The following NR3C2 variants were observed in gnomAD, a reference collection of about 807,000 sequenced individuals.
The protein encoded by NR3C2 is nuclear receptor subfamily 3 group C member 2.
In NR3C2, 15 loss-of-function variants were observed where a neutral mutation model predicts 86.4. The observed-to-expected ratio is 0.17, with a 90% confidence interval of 0.12 to 0.27. NR3C2 has a LOEUF of 0.27. NR3C2 is among the 10% of genes least tolerant of loss of function. The pLI is 1.00. For missense variants in NR3C2, 960 were observed against 1,195.6 expected (o/e 0.80, Z 2.91); for synonymous variants, 458 against 450.5 (o/e 1.02, Z -0.21).
intron 2 of NR3C2, among the ~76,000 whole-genome samples, chr4:148,425,563 T>C (rs956350933): frequency 6.6e-6 from 1 of 152,176 alleles, no homozygotes; most frequent in Non-Finnish European, 1.5e-5. Context: ...GGGGCTTGGT[T>C]TGTGGAAACC....
chr4:148,348,080 A>G (rs560978652), intron 2 of NR3C2, among the ~76,000 whole-genome samples: 3 of 152,260 alleles, frequency 2.0e-5, no homozygotes, highest in Admixed American at 1.3e-4. Flanking sequence ...GTTTCTGAAG[A>G]GAAGAGGAAT....
chr4:148,205,383 T>A (rs61082843), intron 3 of NR3C2, among the ~76,000 whole-genome samples: 2 of 152,266 alleles, frequency 1.3e-5, no homozygotes, highest in East Asian at 3.9e-4. Context: ...GTGAAAAGGC[T>A]CTCTCTCTCC....
chr4:148,137,468 G>A (rs144731628), intron 6 of NR3C2, among the ~76,000 whole-genome samples: 3 of 152,240 alleles, frequency 2.0e-5, no homozygotes, highest in East Asian at 1.9e-4. Context: ...TAAATGGCAC[G>A]TGGTAGGCTC....
intron 2 of NR3C2, among the ~76,000 whole-genome samples, chr4:148,387,383 C>T (rs1408726134): frequency 6.6e-6 from 1 of 152,172 alleles, no homozygotes; most frequent in Non-Finnish European, 1.5e-5. Flanking sequence ...TTCCTCTAAA[C>T]TAGAGAAAGG....
In NR3C2 at chr4:148,104,260, A is replaced by G. The variant is rs185453505; in HGVS notation, c.2799+9844T>C. Among the ~76,000 whole-genome samples, 8 of 151,594 alleles carry G rather than the reference A, an allele frequency of 5.3e-5. No homozygotes were observed. The East Asian group carries it at 1.6e-3, about 30-fold the overall frequency. ...GTAAGATCTCCCATGTCAGTTATTC[A>G]TTTAATTTGAAATCTTTACACCTAT... On this transcript the variant is annotated intron_variant, in intron 8 of 8. Coordinates refer to ENST00000358102, the MANE Select transcript of NR3C2 (RefSeq NM_000901.5).
chr4:148,248,492 G>A (rs181185871), intron 3 of NR3C2, among the ~76,000 whole-genome samples: 1 of 152,310 alleles, frequency 6.6e-6, no homozygotes, highest in African/African-American at 2.4e-5. Flanking sequence ...GGGAAAAAAG[G>A]AAGTAAAAAG....
intron 6 of NR3C2, among the ~76,000 whole-genome samples, chr4:148,122,627 C>T (rs1732559614): frequency 6.6e-6 from 1 of 152,170 alleles, no homozygotes; most frequent in South Asian, 2.1e-4. Context: ...GCTTTTTAGC[C>T]CCCTGTTGCT....
intron 2 of NR3C2, among the ~76,000 whole-genome samples, chr4:148,310,550 T>C (rs997723658): frequency 2.0e-5 from 3 of 152,206 alleles, no homozygotes; most frequent in East Asian, 1.9e-4. Context: ...GCCAGCATAA[T>C]TGCTCACCTG....
chr4:148,233,215 C>G (rs1293420572), intron 3 of NR3C2, among the ~76,000 whole-genome samples: 1 of 152,158 alleles, frequency 6.6e-6, no homozygotes, highest in Non-Finnish European at 1.5e-5. Flanking sequence ...CCAACTGGTG[C>G]AAGAGGCCTA....
At chr4:148,436,921 GA>G in intron 1 of NR3C2, 59 bp from the exon 2 acceptor site, 2 of 1,347,140 alleles carry the variant, frequency 1.5e-6, no homozygotes, top group Non-Finnish European at 2.0e-6. Context: ...TACTCTAAAA[GA>G]CATTCTAAAA....
chr4:148,419,440 C>T (rs773377285), intron 2 of NR3C2, among the ~76,000 whole-genome samples: 1 of 152,050 alleles, frequency 6.6e-6, no homozygotes, highest in African/African-American at 2.4e-5. Context: ...AGTAATTCTC[C>T]CATATTCAGA....
At chr4:148,158,010 T>G (rs2149771721) in intron 4 of NR3C2, among the ~76,000 whole-genome samples, 1 of 152,338 alleles carries the variant, frequency 6.6e-6, no homozygotes. Flanking sequence ...TAACAAAATT[T>G]TTAAACTTCA....
intron 8 of NR3C2, among the ~76,000 whole-genome samples, chr4:148,112,914 T>C (rs770505465): frequency 5.3e-4 from 81 of 152,192 alleles, no homozygotes; most frequent in Non-Finnish European, 1.5e-4. Context: ...AAAATATTTT[T>C]AAAAGAGTTT....
At chr4:148,230,148 C>T (rs1738384383) in intron 3 of NR3C2, among the ~76,000 whole-genome samples, 1 of 152,120 alleles carries the variant, frequency 6.6e-6, no homozygotes, top group Non-Finnish European at 1.5e-5. Context: ...GTAAAACAGG[C>T]ACTTACAGGG....
At chr4:148,411,715 GA>G (rs1748713876) in intron 2 of NR3C2, among the ~76,000 whole-genome samples, 1 of 152,190 alleles carries the variant, frequency 6.6e-6, no homozygotes, top group Non-Finnish European at 1.5e-5. Context: ...CACATCAAAA[GA>G]TACTTATGTA....
chr4:148,087,201 A>T (rs1560913475), intron 8 of NR3C2, among the ~76,000 whole-genome samples: 1 of 152,242 alleles, frequency 6.6e-6, no homozygotes. Context: ...CTAGGAATAC[A>T]ACATACAAGG....
intron 2 of NR3C2, among the ~76,000 whole-genome samples, chr4:148,430,700 T>C (rs1274602128): frequency 6.6e-6 from 1 of 152,128 alleles, no homozygotes; most frequent in African/African-American, 2.4e-5. Flanking sequence ...ACACACACCC[T>C]ACCATTCTTT....
At chr4:148,082,988 C>T (rs1014231877) in intron 8 of NR3C2, among the ~76,000 whole-genome samples, 2 of 152,128 alleles carry the variant, frequency 1.3e-5, no homozygotes, top group African/African-American at 4.8e-5. Flanking sequence ...GAGCACACTG[C>T]AGCTCCCCAA....
At chr4:148,304,547 A>C (rs1273105295) in intron 2 of NR3C2, among the ~76,000 whole-genome samples, 1 of 152,024 alleles carries the variant, frequency 6.6e-6, no homozygotes, top group East Asian at 1.9e-4. Context: ...GGACCCTTAG[A>C]TAGGCCTTTC....
Sources: allele counts gnomAD v4.1 joint callset (sites outside exome capture counted in the v4.1 genomes callset), GRCh38; gene constraint gnomAD v4.1.1; transcripts MANE v1.5; gene names NCBI Gene and HGNC (gene_info 2026-07-23, HGNC 2026-07-21).